IPO11: variants seen among roughly 807,000 people sequenced by gnomAD.
IPO11 encodes the protein importin 11.
IPO11 carries 66 observed loss-of-function variants against 143.2 expected under a neutral mutation model. The ratio of observed to expected loss-of-function variants is 0.46; its 90% CI spans 0.38 to 0.57. The LOEUF (loss-of-function observed/expected upper bound fraction) is 0.57, where lower values mean the gene tolerates loss of function less well. Ranked by LOEUF, IPO11 falls within the 20% of genes least tolerant of loss-of-function variation. The probability of loss-of-function intolerance (pLI) is 0.00; values close to 1 mark genes in which losing one functional copy is unlikely to be tolerated. For synonymous variants in IPO11, 385 were observed against 377.8 expected (o/e 1.02, Z -0.22); for missense variants, 1,026 against 1,141.0 (o/e 0.90, Z 1.45).
intron 9 of IPO11, among the ~76,000 whole-genome samples, chr5:62,477,852 A>G (rs969300647): frequency 1.3e-5 from 2 of 152,248 alleles, no homozygotes; most frequent in East Asian, 1.9e-4. Context: ...AATTTATTCT[A>G]CTTAACATGT....
chr5:62,603,916 A>G (rs1164324121), intron 29 of IPO11, among the ~76,000 whole-genome samples: 1 of 152,152 alleles, frequency 6.6e-6, no homozygotes, highest in Non-Finnish European at 1.5e-5. Context: ...TGTACCTTTT[A>G]TGTGTTTTGA....
chr5:62,454,141 A>AAAAT (rs750572186), intron 5 of IPO11, among the ~76,000 whole-genome samples: 2 of 152,158 alleles, frequency 1.3e-5, no homozygotes, highest in Non-Finnish European at 2.9e-5. Flanking sequence ...TCTCAAATAA[A>AAAAT]AAATAAATAA....
chr5:62,506,454 A>G (rs1032033537), intron 19 of IPO11, 97 bp downstream of exon 19: 4 of 648,962 alleles, frequency 6.2e-6, no homozygotes, highest in Non-Finnish European at 1.1e-5. Flanking sequence ...GAGTTAAAAC[A>G]TTAATTGAAA....
intron 16 of IPO11, among the ~76,000 whole-genome samples, chr5:62,495,817 A>G (rs1162489932): frequency 2.0e-5 from 3 of 152,204 alleles, no homozygotes; most frequent in African/African-American, 7.2e-5. Flanking sequence ...AGTCTATTAA[A>G]AAAGGAAAGA....
intron 1 of IPO11, among the ~76,000 whole-genome samples, chr5:62,435,210 G>GTATATATGTATATATATGTACATATA (rs769669064): frequency 2.2e-5 from 2 of 92,320 alleles, no homozygotes; most frequent in Non-Finnish European, 4.1e-5. Flanking sequence ...GTATATATAT[G>GTATATATGTATATATATGTACATATA]TGTATATATA....
intron 24 of IPO11, among the ~76,000 whole-genome samples, chr5:62,542,077 A>T (rs1014265218): frequency 6.6e-6 from 1 of 151,268 alleles, no homozygotes; most frequent in Non-Finnish European, 1.5e-5. Flanking sequence ...TATTTTTTTT[A>T]TTTTTTTATT....
intron 6 of IPO11, among the ~76,000 whole-genome samples, chr5:62,467,607 T>C (rs1745616344): frequency 6.6e-6 from 1 of 152,232 alleles, no homozygotes; most frequent in Non-Finnish European, 1.5e-5. Context: ...CCAACTTTCC[T>C]AAAATTTTTT....
At chr5:62,495,153 A>AT (rs1741092012) in intron 16 of IPO11, among the ~76,000 whole-genome samples, 1 of 152,206 alleles carries the variant, frequency 6.6e-6, no homozygotes, top group African/African-American at 2.4e-5. Flanking sequence ...TAATTTGAGA[A>AT]TTTAAGTACC....
chr5:62,551,140 C>A lies in IPO11; in HGVS notation c.2347-83C>A, dbSNP rs1743376918. ...CATGGAGGAGAATGTTATTTTATAT[C>A]CCTGTTGCTTGTTACTGTGTCAGTG... On this transcript the variant is annotated intron_variant, in intron 25 of 29. Coordinates refer to ENST00000325324, the MANE Select transcript of IPO11 (RefSeq NM_016338.5). 27 of 703,268 alleles carry A rather than the reference C, an allele frequency of 3.8e-5. No homozygotes were observed. In the South Asian group the frequency reaches 4.8e-4, roughly 12 times the overall value. The allele number at this position is 703,268 out of a possible 1,614,324, so 43.6% of individuals were successfully genotyped here. A position where few individuals can be genotyped will look rare whatever the true frequency, so the allele number is the denominator to read the frequency against.
chr5:62,521,901 T>C (rs1479360818), intron 20 of IPO11, among the ~76,000 whole-genome samples: 3 of 152,190 alleles, frequency 2.0e-5, no homozygotes, highest in African/African-American at 7.2e-5. Context: ...GTTTTTGTTT[T>C]ATGAATGCAG....
At chr5:62,556,025 CTGAT>C in intron 26 of IPO11, among the ~76,000 whole-genome samples, 1 of 152,148 alleles carries the variant, frequency 6.6e-6, no homozygotes, top group East Asian at 1.9e-4. Flanking sequence ...AACATTTGAT[CTGAT>C]TAAATCCAAA....
intron 2 of IPO11, among the ~76,000 whole-genome samples, chr5:62,441,052 A>C (rs1390621478): frequency 1.3e-5 from 2 of 152,194 alleles, no homozygotes; most frequent in African/African-American, 4.8e-5. Flanking sequence ...ACAAGGTTTA[A>C]GAGGTCACCT....
At chr5:62,555,543 G>A (rs888862334) in intron 26 of IPO11, among the ~76,000 whole-genome samples, 24 of 148,266 alleles carry the variant, frequency 1.6e-4, no homozygotes, top group South Asian at 6.4e-4. Context: ...TTGCTCTGTC[G>A]CCCAGGCTGG....
intron 2 of IPO11, among the ~76,000 whole-genome samples, chr5:62,438,075 T>C (rs1193891589): frequency 6.6e-6 from 1 of 152,214 alleles, no homozygotes; most frequent in Non-Finnish European, 1.5e-5. Flanking sequence ...GTTTAGCTTC[T>C]GGTCAGGGCA....
At chr5:62,447,889 A>G (rs1744775781) in intron 3 of IPO11, among the ~76,000 whole-genome samples, 1 of 151,846 alleles carries the variant, frequency 6.6e-6, no homozygotes, top group Admixed American at 6.6e-5. Context: ...TAAATTTTGT[A>G]TTTTTAGTAG....
At chr5:62,590,705 TATAA>T (rs770275113) in intron 27 of IPO11, among the ~76,000 whole-genome samples, 3 of 152,170 alleles carry the variant, frequency 2.0e-5, no homozygotes, top group Non-Finnish European at 4.4e-5. Flanking sequence ...TCTTGGACGT[TATAA>T]AAGTCTGTAA....
intron 9 of IPO11, among the ~76,000 whole-genome samples, chr5:62,477,169 G>A (rs190802295): frequency 9.5e-4 from 144 of 152,254 alleles, no homozygotes; most frequent in African/African-American, 3.4e-3. Context: ...CATCTTTTGA[G>A]TGGAATTATA....
intron 26 of IPO11, among the ~76,000 whole-genome samples, chr5:62,552,637 C>T (rs1216537584): frequency 6.6e-6 from 1 of 151,910 alleles, no homozygotes; most frequent in Non-Finnish European, 1.5e-5. Context: ...TAAAATTACC[C>T]AGAGGAAACA....
chr5:62,542,644 G>T (rs1000172309), intron 24 of IPO11, among the ~76,000 whole-genome samples: 1 of 152,168 alleles, frequency 6.6e-6, no homozygotes, highest in Non-Finnish European at 1.5e-5. Flanking sequence ...AGGAAAATTG[G>T]ATAGAGAGAC....
Sources: gnomAD v4.1 joint callset for allele counts (sites outside exome capture counted in the v4.1 genomes callset) on GRCh38, gnomAD v4.1.1 for gene constraint, MANE v1.5 for transcripts, NCBI Gene and HGNC (gene_info 2026-07-23, HGNC 2026-07-21) for gene names.